DDX17: variants seen among roughly 807,000 people sequenced by gnomAD.
The protein encoded by DDX17 is probable ATP-dependent RNA helicase DDX17.
A neutral mutation model predicts 80.8 loss-of-function variants in DDX17; 10 were observed. The observed-to-expected ratio is 0.12, with a 90% CI of 0.08 to 0.21. DDX17 has a LOEUF of 0.21. Among genes scored for constraint, DDX17 ranks in the 10% least tolerant of loss-of-function variants. The pLI is 1.00. For missense variants in DDX17, 586 were observed against 957.4 expected (o/e 0.61, Z 5.12); for synonymous variants, 339 against 336.2 (o/e 1.01, Z -0.09).
chr22:38,503,738 C>T (rs995203141), intron 1 of DDX17, among the ~76,000 whole-genome samples: 3 of 152,188 alleles, frequency 2.0e-5, no homozygotes, highest in Admixed American at 6.5e-5. Flanking sequence ...ACATTAAAAA[C>T]CATACTACTT....
rs554419516 is a variant in DDX17, at chr22:38,489,907, C to G, written c.1448-1792G>C. 1.0e-6 allele frequency: 1 copy of G among 988,514 alleles called. No individual in the cohort carries two copies. The highest frequency in any genetic ancestry group is 1.2e-6 in the Non-Finnish European group (1 of 831,904). 61.2% of individuals were successfully genotyped at this position (988,514 alleles called of 1,614,324 possible). ...GCTAGGATAATGCTCCTTATGCAAT[C>G]CCACTGCATATGACCATGGCAGTAG... On this transcript the variant is annotated intron_variant, in intron 11 of 12. Transcript: ENST00000403230. The surrounding 1 kb of genome is among the most constrained non-coding windows in gnomAD (Gnocchi z 4.6).
intron 5 of DDX17, among the ~76,000 whole-genome samples, chr22:38,496,944 T>C (rs552541741): frequency 1.3e-5 from 2 of 152,210 alleles, no homozygotes; most frequent in Non-Finnish European, 2.9e-5. Context: ...TTTTTGTGAA[T>C]ATCTTGAGAC....
Position 38,498,582 on chromosome 22 carries a change from G to A in DDX17, c.539-9C>T, listed in dbSNP as rs764797972. 2 of 1,612,854 alleles carry A rather than the reference G, an allele frequency of 1.2e-6. No individual in the cohort carries two copies. Among genetic ancestry groups the A allele is most frequent in the Non-Finnish European group, 8.5e-7 (1 of 1,179,118 alleles). ...CACATCCATTACATATTCTGTAAGAGAATTTTATTTTGCGTATTTTATTGT... is the reference window on the plus strand; with the variant it reads ...CACATCCATTACATATTCTGTAAGAAAATTTTATTTTGCGTATTTTATTGT... On this transcript the variant is annotated splice_polypyrimidine_tract_variant and intron_variant, in intron 3 of 12. Coordinates refer to ENST00000403230, the MANE Select transcript of DDX17 (RefSeq NM_006386.5).
At chr22:38,491,549 CA>C (rs1396842187) in intron 11 of DDX17, 1 of 152,308 alleles carries the variant, frequency 6.6e-6, no homozygotes, top group African/African-American at 2.4e-5. Flanking sequence ...CTGGGCAATA[CA>C]CATATTTGCT....
intron 2 of DDX17, among the ~76,000 whole-genome samples, 156 bp downstream of exon 2, chr22:38,500,974 G>GAA (rs71702696): frequency 0.28 from 38,568 of 140,128 alleles, 5,786 homozygotes; most frequent in East Asian, 0.35. Flanking sequence ...CTACAAAAAG[G>GAA]AAAAAAAAAA....
intron 2 of DDX17, among the ~76,000 whole-genome samples, chr22:38,500,817 C>CAAAAAAAAAAAAAAAAAAAAAAAAAA (rs138453): frequency 3.7e-5 from 2 of 54,176 alleles, no homozygotes; most frequent in East Asian, 6.6e-4. Flanking sequence ...AACTCCGTCT[C>CAAAAAAAAAAAAAAAAAAAAAAAAAA]AAAAAAAAAA....
At chr22:38,500,438 G>A (rs925552974) in intron 2 of DDX17, among the ~76,000 whole-genome samples, 4 of 151,606 alleles carry the variant, frequency 2.6e-5, no homozygotes, top group Non-Finnish European at 4.4e-5. Context: ...GTCAGGAGAC[G>A]GAGACCAGTC....
At chr22:38,491,999 G>C (rs1046318208) in intron 11 of DDX17, 57 bp downstream of exon 11, 2 of 1,255,210 alleles carry the variant, frequency 1.6e-6, no homozygotes, top group Non-Finnish European at 2.2e-6. Flanking sequence ...TTGAAATGAC[G>C]AATCTTTAAA....
chr22:38,494,579 T>C (rs559166980), intron 8 of DDX17, 51 bp downstream of exon 8: 1 of 1,569,286 alleles, frequency 6.4e-7, no homozygotes, highest in East Asian at 2.2e-5. Flanking sequence ...TGGAGGGTTA[T>C]TAGAAAAGGT....
intron 11 of DDX17, chr22:38,488,967 C>A (rs1037098178): frequency 4.0e-5 from 39 of 985,260 alleles, no homozygotes; most frequent in Admixed American, 6.1e-5. Flanking sequence ...CCTTGAGACA[C>A]AAGTTTAGTA....
chr22:38,503,089 T>C (rs1466508651), intron 1 of DDX17, among the ~76,000 whole-genome samples: 1 of 152,164 alleles, frequency 6.6e-6, no homozygotes, highest in Non-Finnish European at 1.5e-5. Flanking sequence ...ACTGAGACAG[T>C]GAAGACAAAT....
In DDX17 at chr22:38,501,935, G is replaced by A. The variant is rs929942741; in HGVS notation, c.288-655C>T. ...CATTAAGTTAAGTTTCAATTAAAGGGAAGATTGTGGACAAGAAGGAAGATA... is the reference window on the plus strand; with the variant it reads ...CATTAAGTTAAGTTTCAATTAAAGGAAAGATTGTGGACAAGAAGGAAGATA... On this transcript the variant is annotated intron_variant, in intron 1 of 12. Coordinates refer to ENST00000403230, the MANE Select transcript of DDX17 (RefSeq NM_006386.5). 9.9e-5 allele frequency among the ~76,000 whole-genome samples: 15 copies of A among 152,212 alleles called. 1 individual carries two copies. The highest frequency in any genetic ancestry group is 3.6e-4 in the African/African-American group (15 of 41,462).
Position 38,493,691 on chromosome 22 carries a change from T to C in DDX17, c.1387+19A>G, listed in dbSNP as rs374313769. The C allele has an allele frequency of 2.2e-5, 35 of 1,594,284 alleles. No individual in the cohort carries two copies. Among genetic ancestry groups the C allele is most frequent in the Non-Finnish European group, 2.9e-5 (34 of 1,162,300 alleles). ...CAGGGGGTGGGGAATCAACAGAAAA[T>C]GCTTAGTTTTAAACTTACCATTAAG... On this transcript the variant is annotated intron_variant, in intron 10 of 12. Transcript: ENST00000403230.
chr22:38,498,833 A>G (rs779466392), intron 3 of DDX17, among the ~76,000 whole-genome samples: 1 of 152,182 alleles, frequency 6.6e-6, no homozygotes, highest in Admixed American at 6.5e-5. Flanking sequence ...CCTGGTCAAC[A>G]TGGTGAACCC....
intron 1 of DDX17, among the ~76,000 whole-genome samples, chr22:38,503,054 C>A (rs2089846084): frequency 6.6e-6 from 1 of 152,170 alleles, no homozygotes; most frequent in South Asian, 2.1e-4. Flanking sequence ...ACAGGCAGAA[C>A]TTGGCTAATT....
chr22:38,499,157 A>C (rs2089801246), intron 3 of DDX17, among the ~76,000 whole-genome samples: 1 of 152,248 alleles, frequency 6.6e-6, no homozygotes, highest in African/African-American at 2.4e-5. Context: ...GCTAGAAAGC[A>C]ATTTCATTCT....
Position 38,489,839 on chromosome 22 carries a change from G to GT in DDX17, c.1448-1725dup, listed in dbSNP as rs1287177390. 1 of 985,902 alleles carries GT rather than the reference G, an allele frequency of 1.0e-6. No individual in the cohort carries two copies. The highest frequency in any genetic ancestry group is 1.2e-6 in the Non-Finnish European group (1 of 830,382). 61.1% of individuals were successfully genotyped at this position (985,902 alleles called of 1,614,324 possible). A position where few individuals can be genotyped will look rare whatever the true frequency, so the allele number is the denominator to read the frequency against. On this transcript the variant is annotated intron_variant, in intron 11 of 12. Coordinates refer to ENST00000403230, the MANE Select transcript of DDX17 (RefSeq NM_006386.5). The surrounding 1 kb of genome is among the most constrained non-coding windows in gnomAD (Gnocchi z 4.6). ...AAGAATTTACAGGGCCAGGGTGGAT[G>GT]TAAGACAGGGGGTGGGGAATTCTAC...
intron 10 of DDX17, chr22:38,493,500 T>C: frequency 1.8e-6 from 1 of 557,568 alleles, no homozygotes; most frequent in Non-Finnish European, 3.3e-6. Flanking sequence ...CCAGGCCACT[T>C]CTTTACATAT....
At chr22:38,488,414 G>C (rs2089683013) in intron 11 of DDX17, 1 of 1,258,622 alleles carries the variant, frequency 7.9e-7, no homozygotes, top group Non-Finnish European at 1.0e-6. Context: ...TATACTGACA[G>C]GAGTTACACC....
Sources: allele counts gnomAD v4.1 joint callset (sites outside exome capture counted in the v4.1 genomes callset), GRCh38; gene constraint gnomAD v4.1.1; non-coding constraint Gnocchi (gnomAD v3.1); transcripts MANE v1.5; gene names NCBI Gene and HGNC (gene_info 2026-07-23, HGNC 2026-07-21).